Variants in PEBP4 observed in about 807,000 individuals in gnomAD.
PEBP4 encodes phosphatidylethanolamine-binding protein 4.
In PEBP4, 22 loss-of-function variants were observed where a neutral mutation model predicts 23.9. The ratio of observed to expected loss-of-function variants is 0.92; its 90% confidence interval spans 0.66 to 1.31. The LOEUF (loss-of-function observed/expected upper bound fraction) is 1.31. Ranked by LOEUF, PEBP4 falls within the 40% of genes most tolerant of loss-of-function variation. The pLI is 0.00. For synonymous variants in PEBP4, 112 were observed against 99.3 expected (o/e 1.13, Z -0.76); for missense variants, 324 against 281.7 (o/e 1.15, Z -1.07).
intron 2 of PEBP4, chr8:22,925,274 G>A: frequency 1.0e-6 from 1 of 985,404 alleles, no homozygotes; most frequent in Non-Finnish European, 1.2e-6. Flanking sequence ...CTGGGGGCCT[G>A]CTGGTGTATT....
intron 3 of PEBP4, among the ~76,000 whole-genome samples, chr8:22,851,788 T>C (rs180908343): frequency 6.6e-6 from 1 of 152,220 alleles, no homozygotes; most frequent in Admixed American, 6.5e-5. Context: ...GCCCTGATAA[T>C]TGAATCTCGG....
chr8:22,788,981 G>A (rs896825259), intron 4 of PEBP4, among the ~76,000 whole-genome samples: 2 of 152,182 alleles, frequency 1.3e-5, no homozygotes, highest in Admixed American at 1.3e-4. Flanking sequence ...TGGTTTAGAA[G>A]ATTATGTGTT....
At chr8:22,934,321 G>A (rs1325759776) in intron 1 of PEBP4, among the ~76,000 whole-genome samples, 1 of 152,200 alleles carries the variant, frequency 6.6e-6, no homozygotes, top group East Asian at 1.9e-4. Context: ...GGGGCACGGA[G>A]CTGTATAAGT....
At chr8:22,899,665 C>T (rs547721618) in intron 3 of PEBP4, among the ~76,000 whole-genome samples, 4 of 152,318 alleles carry the variant, frequency 2.6e-5, no homozygotes, top group African/African-American at 9.6e-5. Flanking sequence ...TACTTTTTCC[C>T]TAGCCAGGGT....
At chr8:22,793,959 A>T (rs1481031251) in intron 4 of PEBP4, among the ~76,000 whole-genome samples, 4 of 152,164 alleles carry the variant, frequency 2.6e-5, no homozygotes, top group Non-Finnish European at 5.9e-5. Context: ...TTATTTATTT[A>T]TTTTTTTAAA....
At chr8:22,742,038 G>A (rs573722235) in intron 4 of PEBP4, among the ~76,000 whole-genome samples, 62 of 152,260 alleles carry the variant, frequency 4.1e-4, no homozygotes, top group African/African-American at 1.4e-3. Flanking sequence ...AAAGCCCACC[G>A]TGCTCTAGGT....
intron 3 of PEBP4, among the ~76,000 whole-genome samples, chr8:22,891,567 A>G (rs1462986054): frequency 6.6e-6 from 1 of 152,196 alleles, no homozygotes; most frequent in Non-Finnish European, 1.5e-5. Context: ...ACAAAATGGG[A>G]AGCTCCTGAT....
Position 22,789,659 on chromosome 8 carries a change from G to A in PEBP4, c.357+27978C>T, listed in dbSNP as rs568265160. Among the ~76,000 whole-genome samples, 30 of 152,290 alleles carry A rather than the reference G, an allele frequency of 2.0e-4. No homozygotes were observed. The Middle Eastern group carries it at 0.01, about 52-fold the overall frequency. On this transcript the variant is annotated intron_variant, in intron 4 of 6. Transcript: ENST00000256404. ...CTGCAGCAGCATGGGGGTCCTTTGC[G>A]AGCTGATCCAGTGCCCCAAAGGGAA...
chr8:22,853,820 C>T (rs1199913554), intron 3 of PEBP4, among the ~76,000 whole-genome samples: 1 of 152,186 alleles, frequency 6.6e-6, no homozygotes, highest in Non-Finnish European at 1.5e-5. Context: ...CAAAGAAACG[C>T]TTCCTCCAGG....
chr8:22,927,831 A>G lies in PEBP4; in HGVS notation c.-15T>C. 1 of 1,352,280 alleles carries G rather than the reference A, an allele frequency of 7.4e-7. No homozygotes were observed. Among genetic ancestry groups the G allele is most frequent in the Non-Finnish European group, 1.0e-6 (1 of 987,972 alleles). The allele number at this position is 1,352,280 out of a possible 1,614,324, so 83.8% of individuals were successfully genotyped here. A position where few individuals can be genotyped will look rare whatever the true frequency, so the allele number is the denominator to read the frequency against. On this transcript the variant is annotated 5_prime_UTR_variant, in exon 1 of 7. Transcript: ENST00000256404. ...CTTGGCAGGATAGAGACCTCTGGTT[A>G]AGCACAGGGAGAAGGACAGGCAGCT...
intron 4 of PEBP4, among the ~76,000 whole-genome samples, chr8:22,809,027 A>G (rs1284101102): frequency 2.0e-5 from 3 of 152,124 alleles, no homozygotes; most frequent in Non-Finnish European, 2.9e-5. Context: ...GCCCTGCCCT[A>G]CTTCTTGGGA....
intron 4 of PEBP4, among the ~76,000 whole-genome samples, chr8:22,763,058 G>A (rs991071893): frequency 2.0e-5 from 3 of 151,862 alleles, no homozygotes; most frequent in East Asian, 1.9e-4. Flanking sequence ...AGGCTGGAGC[G>A]CAGTAGCATG....
At chr8:22,755,576 T>A (rs1805363264) in intron 4 of PEBP4, among the ~76,000 whole-genome samples, 1 of 152,114 alleles carries the variant, frequency 6.6e-6, no homozygotes, top group Non-Finnish European at 1.5e-5. Context: ...CCTCAAGTAA[T>A]CCATCCACCT....
Position 22,865,441 on chromosome 8 carries a change from G to C in PEBP4, c.259-47706C>G, listed in dbSNP as rs1452919838. 6.6e-6 allele frequency among the ~76,000 whole-genome samples: 1 copy of C among 151,946 alleles called. No individual in the cohort carries two copies. The highest frequency in any genetic ancestry group is 1.9e-4 in the East Asian group (1 of 5,144). On this transcript the variant is annotated intron_variant, in intron 3 of 6. Transcript: ENST00000256404. This position sits in a 1 kb window ranked among gnomAD's most constrained non-coding sequence, Gnocchi z 6.9. Reference sequence around the variant, plus strand: ...CACCTGCGCCTCCAGGGCGTTGGGCGGGGGCCGCACTTTCCCCGCCGCGAG... The same window carrying C: ...CACCTGCGCCTCCAGGGCGTTGGGCCGGGGCCGCACTTTCCCCGCCGCGAG...
chr8:22,720,476 T>C (rs1465300615), intron 6 of PEBP4, among the ~76,000 whole-genome samples: 1 of 152,184 alleles, frequency 6.6e-6, no homozygotes, highest in Non-Finnish European at 1.5e-5. Context: ...TCTGGCAGTG[T>C]GCCGCACACA....
At chr8:22,925,091 G>A (rs1363148671) in intron 2 of PEBP4, 1 of 985,280 alleles carries the variant, frequency 1.0e-6, no homozygotes, top group Non-Finnish European at 1.2e-6. Flanking sequence ...GTCTCCTCAG[G>A]GGTCCGATCT....
chr8:22,852,210 C>T (rs1807566065), intron 3 of PEBP4, among the ~76,000 whole-genome samples: 2 of 152,078 alleles, frequency 1.3e-5, no homozygotes, highest in Non-Finnish European at 1.5e-5. Context: ...GGTCTCTTGC[C>T]GATTTCTCTT....
intron 4 of PEBP4, among the ~76,000 whole-genome samples, chr8:22,809,206 C>A (rs1246984030): frequency 6.6e-6 from 1 of 152,224 alleles, no homozygotes; most frequent in African/African-American, 2.4e-5. Flanking sequence ...AAATCCTCAA[C>A]ATTCCTGCGA....
chr8:22,844,399 C>A (rs921352593), intron 3 of PEBP4, among the ~76,000 whole-genome samples: 2 of 152,128 alleles, frequency 1.3e-5, no homozygotes, highest in Admixed American at 1.3e-4. Flanking sequence ...ACCATCACAC[C>A]TGGCTAATTT....
Sources: gnomAD v4.1 joint callset for allele counts (sites outside exome capture counted in the v4.1 genomes callset) on GRCh38, gnomAD v4.1.1 for gene constraint, Gnocchi (gnomAD v3.1) non-coding constraint, MANE v1.5 for transcripts, NCBI Gene and HGNC (gene_info 2026-07-23, HGNC 2026-07-21) for gene names.